DNAH6: variants seen among roughly 807,000 people sequenced by gnomAD.
The protein encoded by DNAH6 is dynein axonemal heavy chain 6, also known as axonemal beta dynein heavy chain 6.
Under a neutral mutation model 491.4 loss-of-function variants are expected in DNAH6, and 340 were observed. The observed-to-expected ratio is 0.69, with a 90% confidence interval of 0.63 to 0.76. The LOEUF (loss-of-function observed/expected upper bound fraction) is 0.76, where lower values mean the gene tolerates loss of function less well. Among genes scored for constraint, DNAH6 ranks in the 30% least tolerant of loss-of-function variants. The probability of loss-of-function intolerance (pLI) is 0.00; values close to 1 mark genes in which losing one functional copy is unlikely to be tolerated. For missense variants in DNAH6, 4,443 were observed against 4,972.2 expected, an observed-to-expected ratio of 0.89 and a Z score of 3.20; for synonymous variants, 1,603 against 1,686.1, an observed-to-expected ratio of 0.95 and a Z score of 1.21.
chr2:84,507,174 A>G, the DNAH6 span, among the ~76,000 whole-genome samples: 1 of 151,472 alleles, frequency 6.6e-6, no homozygotes, highest in Non-Finnish European at 1.5e-5. Flanking sequence ...CCATTTTCAC[A>G]ATATTGATTC....
At chr2:84,612,254 G>A (rs1427352501) in intron 22 of DNAH6, among the ~76,000 whole-genome samples, 2 of 151,408 alleles carry the variant, frequency 1.3e-5, no homozygotes, top group African/African-American at 4.9e-5. Context: ...CCACAAAAAT[G>A]TCCACACCTT....
chr2:84,681,211 A>G, intron 41 of DNAH6, 146 bp from the exon 42 acceptor site: 2 of 670,982 alleles, frequency 3.0e-6, no homozygotes, highest in East Asian at 2.9e-5. Flanking sequence ...GTTTTCTGAA[A>G]TGAGCAGAAG....
Position 84,597,507 on chromosome 2 carries a change from T to C in DNAH6, c.2868+1718T>C, listed in dbSNP as rs80322435. Among the ~76,000 whole-genome samples, 418 of 152,310 alleles carry C rather than the reference T, an allele frequency of 2.7e-3. 21 individuals are homozygous for C. The East Asian group carries it at 0.067, about 24-fold the overall frequency. The stretch of plus-strand genomic sequence containing the variant: ...AATTAGAACTTCCACATGTTGCTGG[T>C]AGGATCGTAAGGTTGTGCAGCCACT... On this transcript the variant is annotated intron_variant, in intron 18 of 76. Transcript: ENST00000389394.
intron 63 of DNAH6, among the ~76,000 whole-genome samples, chr2:84,756,557 A>G (rs777384075): frequency 3.3e-5 from 5 of 152,210 alleles, no homozygotes; most frequent in Non-Finnish European, 5.9e-5. Context: ...CAGGATTCTG[A>G]TAGGTCACCT....
intron 68 of DNAH6, among the ~76,000 whole-genome samples, chr2:84,789,541 A>G (rs1677545798): frequency 6.6e-6 from 1 of 152,244 alleles, no homozygotes; most frequent in Non-Finnish European, 1.5e-5. Flanking sequence ...AATGGATGGA[A>G]GTGGTCCAGT....
At chr2:84,750,436 T>C (rs1212962187) in intron 63 of DNAH6, among the ~76,000 whole-genome samples, 1 of 152,118 alleles carries the variant, frequency 6.6e-6, no homozygotes, top group Non-Finnish European at 1.5e-5. Flanking sequence ...CCTCCCATCT[T>C]GGCCTCCCAA....
chr2:84,582,689 T>C (rs1275646169), intron 14 of DNAH6, among the ~76,000 whole-genome samples: 1 of 152,154 alleles, frequency 6.6e-6, no homozygotes, highest in Admixed American at 6.5e-5. Flanking sequence ...CCTGACCTCA[T>C]GATCCGCCTG....
chr2:84,566,386 A>G (rs1351704148), intron 11 of DNAH6, among the ~76,000 whole-genome samples: 1 of 152,098 alleles, frequency 6.6e-6, no homozygotes, highest in Non-Finnish European at 1.5e-5. Context: ...AATAAATTTA[A>G]TAAGAAATGC....
At chr2:84,680,186 AG>A (rs1228950520) in intron 41 of DNAH6, among the ~76,000 whole-genome samples, 2 of 152,218 alleles carry the variant, frequency 1.3e-5, no homozygotes, top group African/African-American at 4.8e-5. Context: ...ACAAATACTC[AG>A]GTTTATTTCA....
At chr2:84,530,115 GAC>G (rs1677018040) in intron 4 of DNAH6, among the ~76,000 whole-genome samples, 1 of 152,132 alleles carries the variant, frequency 6.6e-6, no homozygotes, top group African/African-American at 2.4e-5. Flanking sequence ...ACGTGCTTGA[GAC>G]ACATTAGTAA....
chr2:84,587,960 G>A lies in DNAH6; in HGVS notation c.2482-866G>A, dbSNP rs914722755. On this transcript the variant is annotated intron_variant, in intron 15 of 76. Coordinates refer to ENST00000389394, the MANE Select transcript of DNAH6 (RefSeq NM_001370.2). ...TAGGCACCATGCTAGCCCCTATGCT[G>A]CAATCCATAATTTCTTCCATAGCCT... Among the ~76,000 whole-genome samples the A allele has an allele frequency of 2.6e-5, 4 of 152,268 alleles. No homozygotes were observed. In the South Asian group the frequency reaches 6.2e-4, roughly 24 times the overall value.
At chr2:84,526,742 A>C (rs1676639613) in intron 3 of DNAH6, among the ~76,000 whole-genome samples, 1 of 152,138 alleles carries the variant, frequency 6.6e-6, no homozygotes, top group African/African-American at 2.4e-5. Flanking sequence ...ACTAGATGGA[A>C]TTATAAAGCT....
At chr2:84,611,918 C>T in intron 22 of DNAH6, 64 bp downstream of exon 22, 2 of 1,388,660 alleles carry the variant, frequency 1.4e-6, no homozygotes, top group Non-Finnish European at 1.9e-6. Flanking sequence ...GGACTTTAGT[C>T]CCAGACTAAA....
intron 3 of DNAH6, among the ~76,000 whole-genome samples, chr2:84,527,101 A>G (rs991224640): frequency 2.0e-5 from 3 of 152,186 alleles, no homozygotes; most frequent in African/African-American, 7.2e-5. Context: ...ATATTGATTT[A>G]TCTGAATGAG....
chr2:84,609,195 C>T (rs1455126707), intron 21 of DNAH6, among the ~76,000 whole-genome samples: 1 of 152,144 alleles, frequency 6.6e-6, no homozygotes, highest in East Asian at 1.9e-4. Context: ...TTCTCTATAT[C>T]AGAAATAGGG....
At chr2:84,707,437 A>G (rs947243930) in intron 53 of DNAH6, 83 bp from the exon 54 acceptor site, 3 of 1,276,606 alleles carry the variant, frequency 2.3e-6, no homozygotes, top group Admixed American at 2.8e-5. Context: ...CTATTCTGCT[A>G]TAAAAAGAAA....
At chr2:84,673,793 C>T (rs1297499443) in intron 40 of DNAH6, among the ~76,000 whole-genome samples, 1 of 152,218 alleles carries the variant, frequency 6.6e-6, no homozygotes, top group Admixed American at 6.5e-5. Flanking sequence ...GCTGCATGGG[C>T]AGCTGATTAG....
intron 11 of DNAH6, among the ~76,000 whole-genome samples, chr2:84,562,923 C>T (rs1444077255): frequency 2.0e-5 from 3 of 152,162 alleles, no homozygotes; most frequent in Admixed American, 6.5e-5. Context: ...AATTGTAGCT[C>T]CCGTATCCCT....
At chr2:84,543,730 A>C (rs1334120438) in intron 4 of DNAH6, among the ~76,000 whole-genome samples, 1 of 151,436 alleles carries the variant, frequency 6.6e-6, no homozygotes, top group African/African-American at 2.5e-5. Flanking sequence ...GAGAGATATT[A>C]TGAACTAAAC....
Sources: gnomAD v4.1 joint callset for allele counts (sites outside exome capture counted in the v4.1 genomes callset) on GRCh38, gnomAD v4.1.1 for gene constraint, MANE v1.5 for transcripts, NCBI Gene and HGNC (gene_info 2026-07-23, HGNC 2026-07-21) for gene names.